PLAT: variants seen among roughly 807,000 people sequenced by gnomAD.
The protein encoded by PLAT is plasminogen activator, tissue type.
PLAT carries 48 observed loss-of-function variants against 74.9 expected under a neutral mutation model. The observed-to-expected ratio is 0.64, with a 90% confidence interval of 0.51 to 0.82. PLAT has a LOEUF of 0.82. PLAT is among the 40% of genes least tolerant of loss of function. The probability of loss-of-function intolerance (pLI) is 0.00; values close to 1 mark genes in which losing one functional copy is unlikely to be tolerated. For synonymous variants in PLAT, 307 were observed against 294.4 expected, an observed-to-expected ratio of 1.04 and a Z score of -0.44; for missense variants, 673 against 736.2, an observed-to-expected ratio of 0.91 and a Z score of 0.99.
At chr8:42,206,971 G>A (rs1585444872) in intron 1 of PLAT, among the ~76,000 whole-genome samples, 1 of 152,242 alleles carries the variant, frequency 6.6e-6, no homozygotes, top group East Asian at 1.9e-4. Context: ...AAAGCCACCT[G>A]CTTCTCTCTC....
At chr8:42,195,474 G>T (rs1402575097) in intron 1 of PLAT, among the ~76,000 whole-genome samples, 1 of 152,178 alleles carries the variant, frequency 6.6e-6, no homozygotes, top group Non-Finnish European at 1.5e-5. Context: ...CAGCCTTTGA[G>T]CCCGCAGTGC....
At chr8:42,201,831 G>C (rs1036133510) in intron 1 of PLAT, among the ~76,000 whole-genome samples, 4 of 152,212 alleles carry the variant, frequency 2.6e-5, no homozygotes, top group African/African-American at 9.7e-5. Context: ...ATGAAAGTCA[G>C]AGGCATCATG....
intron 1 of PLAT, among the ~76,000 whole-genome samples, chr8:42,195,258 C>G (rs866391725): frequency 6.6e-6 from 1 of 152,150 alleles, no homozygotes; most frequent in Non-Finnish European, 1.5e-5. Flanking sequence ...ACCCTCCTTG[C>G]CTCGCTACAT....
At chr8:42,184,072 C>T (rs559029608) in intron 7 of PLAT, among the ~76,000 whole-genome samples, 24 of 152,094 alleles carry the variant, frequency 1.6e-4, no homozygotes, top group Admixed American at 1.2e-3. Flanking sequence ...TCCCAAGCAG[C>T]TGGGACCATA....
intron 1 of PLAT, among the ~76,000 whole-genome samples, chr8:42,202,275 C>T (rs988338084): frequency 6.6e-6 from 1 of 151,664 alleles, no homozygotes; most frequent in Non-Finnish European, 1.5e-5. Flanking sequence ...GCTCAAGCAA[C>T]CCGCCCACCT....
At chr8:42,194,052 T>TTTTTTC (rs1487665409) in intron 1 of PLAT, among the ~76,000 whole-genome samples, 19 of 121,850 alleles carry the variant, frequency 1.6e-4, no homozygotes, top group Middle Eastern at 4.0e-3. Flanking sequence ...TCTTCTTTCT[T>TTTTTTC]TTTTTTTTTT....
At position 42,204,461 on chromosome 8, in the gene PLAT, G is replaced by A. The variant is rs912481387; in HGVS notation, c.-27+3033C>T. ...CAAATAATCAAAGAAAAACCTGTCT[G>A]GGCATGGTGGCTCACGCCTGTAATC... is the stretch of plus-strand genomic sequence containing the variant. On this transcript the variant is annotated intron_variant, in intron 1 of 13. Coordinates refer to ENST00000220809, the MANE Select transcript of PLAT (RefSeq NM_000930.5). Among the ~76,000 whole-genome samples the A allele has an allele frequency of 2.6e-5, 4 of 152,182 alleles. No individual in the cohort carries two copies. The East Asian group carries it at 5.8e-4, about 22-fold the overall frequency.
rs527513368 is a variant in PLAT, at chr8:42,206,942, C to T, written c.-27+552G>A. On this transcript the variant is annotated intron_variant, in intron 1 of 13. Transcript: ENST00000220809. Reference sequence around the variant, plus strand: ...AGATCAGAGGCATTTCTCTATCCCACGGGGTAATGTGGGGTGTGAAAGCCA... The same window carrying T: ...AGATCAGAGGCATTTCTCTATCCCATGGGGTAATGTGGGGTGTGAAAGCCA... 3.5e-4 allele frequency among the ~76,000 whole-genome samples: 54 copies of T among 152,278 alleles called. 1 individual carries two copies. The South Asian group carries it at 7.9e-3, about 22-fold the overall frequency.
At position 42,202,486 on chromosome 8, in the gene PLAT, C is replaced by T. The variant is rs186590205; in HGVS notation, c.-27+5008G>A. On this transcript the variant is annotated intron_variant, in intron 1 of 13. Transcript: ENST00000220809. The stretch of plus-strand genomic sequence containing the variant: ...AGCTGCAGGGATGTCCTCCTCCCAG[C>T]GCCTACCAGACCCCCACCCTGCCCC... 2.2e-4 allele frequency among the ~76,000 whole-genome samples: 33 copies of T among 152,264 alleles called. No homozygotes were observed. The East Asian group carries it at 4.6e-3, about 21-fold the overall frequency.
chr8:42,200,369 G>A (rs975906804), intron 1 of PLAT, among the ~76,000 whole-genome samples: 25 of 151,462 alleles, frequency 1.7e-4, no homozygotes, highest in African/African-American at 5.8e-4. Context: ...GGAGACCCTC[G>A]GCTGTACAAA....
intron 6 of PLAT, chr8:42,185,945 C>T (rs1473495771): frequency 6.6e-6 from 1 of 152,070 alleles, no homozygotes; most frequent in Non-Finnish European, 1.5e-5. Flanking sequence ...CTTCTGCCTG[C>T]ACTTCCAGCC....
intron 8 of PLAT, chr8:42,182,388 T>TTTTTTTTTTTTTTTTTTTTG: frequency 7.7e-6 from 2 of 258,726 alleles, no homozygotes; most frequent in South Asian, 5.1e-5. Flanking sequence ...TGTAGTGTTC[T>TTTTTTTTTTTTTTTTTTTTG]AATCTCATAG....
chr8:42,205,526 C>CA (rs915248914), intron 1 of PLAT, among the ~76,000 whole-genome samples: 21 of 148,080 alleles, frequency 1.4e-4, no homozygotes, highest in African/African-American at 4.0e-4. Context: ...AACTCCGTCT[C>CA]AAAAAAAAAA....
At position 42,182,899 on chromosome 8, in the gene PLAT, A is replaced by G. The variant is rs377361205; in HGVS notation, c.632-9T>C. The G allele has an allele frequency of 5.0e-6, 8 of 1,604,578 alleles. No homozygotes were observed. The highest frequency in any genetic ancestry group is 6.8e-6 in the Non-Finnish European group (8 of 1,175,454). ...GTAGCAGTCACTGTTTCCTAGAAGA[A>G]AAGAATTCTCAAACTGAAACAAAAA... On this transcript the variant is annotated splice_polypyrimidine_tract_variant and intron_variant, in intron 7 of 13. Coordinates refer to ENST00000220809, the MANE Select transcript of PLAT (RefSeq NM_000930.5).
intron 6 of PLAT, chr8:42,187,150 A>C (rs1805509237): frequency 7.5e-6 from 3 of 401,540 alleles, no homozygotes; most frequent in Non-Finnish European, 1.3e-5. Flanking sequence ...TCTGTCATCC[A>C]TCTACCGTCT....
At chr8:42,199,198 A>G (rs1225307373) in intron 1 of PLAT, among the ~76,000 whole-genome samples, 8 of 152,246 alleles carry the variant, frequency 5.3e-5, no homozygotes, top group Admixed American at 6.5e-5. Flanking sequence ...GTGATTTTCT[A>G]TAGGCTAAAT....
intron 7 of PLAT, 56 bp downstream of exon 7, chr8:42,185,025 C>T (rs1165302052): frequency 8.1e-7 from 1 of 1,236,588 alleles, no homozygotes; most frequent in African/African-American, 1.5e-5. Context: ...GGCCTGTCCT[C>T]CTGGACTTTC....
intron 1 of PLAT, among the ~76,000 whole-genome samples, chr8:42,203,003 G>C (rs544247589): frequency 1.3e-5 from 2 of 152,070 alleles, no homozygotes; most frequent in Non-Finnish European, 2.9e-5. Flanking sequence ...GGTGACAGTC[G>C]CCCCCGGGCT....
intron 1 of PLAT, among the ~76,000 whole-genome samples, chr8:42,195,945 C>G (rs976420576): frequency 3.3e-5 from 5 of 152,198 alleles, no homozygotes; most frequent in East Asian, 3.8e-4. Context: ...CCACACCACC[C>G]AGCCCTCTCG....
Sources: gnomAD v4.1 joint callset for allele counts (sites outside exome capture counted in the v4.1 genomes callset) on GRCh38, gnomAD v4.1.1 for gene constraint, MANE v1.5 for transcripts, NCBI Gene and HGNC (gene_info 2026-07-23, HGNC 2026-07-21) for gene names.